UBE2F: variants seen among roughly 807,000 people sequenced by gnomAD.
UBE2F encodes the protein ubiquitin conjugating enzyme E2 F (putative).
Under a neutral mutation model 29.6 loss-of-function variants are expected in UBE2F, and 5 were observed. The ratio of observed to expected loss-of-function variants is 0.17; its 90% CI spans 0.09 to 0.36. UBE2F has a LOEUF of 0.36. Ranked by LOEUF, UBE2F falls within the 10% of genes least tolerant of loss-of-function variation. The pLI is 1.00. For synonymous variants in UBE2F, 66 were observed against 81.8 expected (o/e 0.81, Z 1.04); for missense variants, 141 against 228.5 (o/e 0.62, Z 2.47).
intron 2 of UBE2F, among the ~76,000 whole-genome samples, chr2:237,983,621 C>T (rs928998179): frequency 1.3e-5 from 2 of 152,080 alleles, no homozygotes; most frequent in Admixed American, 6.6e-5. Flanking sequence ...GCCTCCATTG[C>T]CCCTTCCCGT....
intron 6 of UBE2F, 54 bp from the exon 7 acceptor site, chr2:238,030,502 T>A: frequency 2.2e-6 from 3 of 1,364,496 alleles, no homozygotes; most frequent in Non-Finnish European, 3.1e-6. Context: ...GTTGGCAGCG[T>A]GCAGGGCACC....
Position 237,988,666 on chromosome 2 carries a change from T to A in UBE2F, c.148+674T>A, listed in dbSNP as rs913615816. 5.3e-5 allele frequency among the ~76,000 whole-genome samples: 8 copies of A among 150,778 alleles called. No homozygotes were observed. In the South Asian group the frequency reaches 1.5e-3, roughly 28 times the overall value. ...GGTTCTGCCACCTTTCTGAGTGCTA[T>A]CTCTCCTTAGCATAGCAGAGGTGCA... On this transcript the variant is annotated intron_variant, in intron 3 of 9. Transcript: ENST00000272930.
chr2:237,991,201 C>T (rs527698393), intron 3 of UBE2F, among the ~76,000 whole-genome samples: 3 of 152,216 alleles, frequency 2.0e-5, no homozygotes, highest in Non-Finnish European at 4.4e-5. Context: ...CTCTCCTAAT[C>T]GAAGAGGGGG....
Position 237,968,816 on chromosome 2 carries a change from C to T in UBE2F, c.-17+1684C>T, listed in dbSNP as rs1356291290. 9.2e-6 allele frequency: 9 copies of T among 983,288 alleles called. No homozygotes were observed. In the Admixed American group the frequency reaches 2.5e-4, roughly 27 times the overall value. 60.9% of individuals were successfully genotyped at this position (983,288 alleles called of 1,614,324 possible). A position where few individuals can be genotyped will look rare whatever the true frequency, so the allele number is the denominator to read the frequency against. The stretch of plus-strand genomic sequence containing the variant: ...CTGTTACCGAAATGCTGCCTTAGAG[C>T]GTAATTTGCAGGAAAGAGGAAGTTT... On this transcript the variant is annotated intron_variant, in intron 1 of 9. Transcript: ENST00000272930.
intron 9 of UBE2F, among the ~76,000 whole-genome samples, chr2:238,038,746 GC>G (rs1308305846): frequency 6.6e-6 from 1 of 152,168 alleles, no homozygotes; most frequent in Non-Finnish European, 1.5e-5. Context: ...AAGCAGTGCC[GC>G]CCCATCCCCG....
intron 4 of UBE2F, among the ~76,000 whole-genome samples, chr2:237,999,258 C>T (rs905591358): frequency 7.2e-5 from 11 of 151,988 alleles, no homozygotes; most frequent in Admixed American, 1.3e-4. Context: ...TTAGTAGAGA[C>T]GGGGTTTTGC....
intron 4 of UBE2F, among the ~76,000 whole-genome samples, chr2:238,000,697 G>A (rs905260875): frequency 2.6e-5 from 4 of 152,108 alleles, no homozygotes; most frequent in Non-Finnish European, 5.9e-5. Context: ...AAATTACTGG[G>A]CCATGTGGTA....
intron 4 of UBE2F, among the ~76,000 whole-genome samples, chr2:238,000,204 CT>C (rs1385080665): frequency 6.6e-6 from 1 of 151,924 alleles, no homozygotes; most frequent in East Asian, 1.9e-4. Flanking sequence ...TAATTTGTGG[CT>C]TCTCATTTTT....
chr2:238,006,337 C>A (rs188832121), intron 4 of UBE2F, among the ~76,000 whole-genome samples: 41 of 152,326 alleles, frequency 2.7e-4, no homozygotes, highest in African/African-American at 8.7e-4. Flanking sequence ...TCCCACCAGA[C>A]CCCACCTCAA....
chr2:238,022,135 T>C (rs891487668), intron 5 of UBE2F, among the ~76,000 whole-genome samples: 5 of 151,648 alleles, frequency 3.3e-5, no homozygotes, highest in African/African-American at 1.2e-4. Context: ...GTATCTCGTT[T>C]AATATCCGAT....
chr2:237,975,837 A>G (rs567670499), intron 2 of UBE2F, among the ~76,000 whole-genome samples: 4 of 151,860 alleles, frequency 2.6e-5, no homozygotes, highest in African/African-American at 4.8e-5. Flanking sequence ...CGGGGTTTCA[A>G]CATGTTGGCC....
intron 4 of UBE2F, among the ~76,000 whole-genome samples, chr2:238,007,140 G>A (rs2063925238): frequency 6.6e-6 from 1 of 151,724 alleles, no homozygotes; most frequent in Non-Finnish European, 1.5e-5. Context: ...CTGTTTTTTC[G>A]AGACAGAGTC....
chr2:238,041,192 G>T, intron 9 of UBE2F, 96 bp from the exon 10 acceptor site: 1 of 1,219,520 alleles, frequency 8.2e-7, no homozygotes, highest in Non-Finnish European at 1.2e-6. Context: ...AGGGGACCTT[G>T]GTGCTGGTGG....
chr2:238,032,077 T>C, intron 7 of UBE2F, 145 bp from the exon 8 acceptor site: 1 of 641,748 alleles, frequency 1.6e-6, no homozygotes, highest in Non-Finnish European at 2.8e-6. Context: ...TGAAGAGAAG[T>C]TATTTTAATT....
At chr2:238,007,642 C>T (rs1359781290) in intron 4 of UBE2F, among the ~76,000 whole-genome samples, 2 of 151,862 alleles carry the variant, frequency 1.3e-5, no homozygotes, top group Admixed American at 1.3e-4. Flanking sequence ...AATGGTTTTT[C>T]TGTTTTGGTC....
intron 4 of UBE2F, among the ~76,000 whole-genome samples, chr2:238,005,328 C>T (rs946105823): frequency 1.3e-5 from 2 of 152,090 alleles, no homozygotes; most frequent in Admixed American, 6.5e-5. Flanking sequence ...CCTGAGGTAG[C>T]TGGGACCACA....
intron 9 of UBE2F, 36 bp from the exon 10 acceptor site, chr2:238,041,252 G>C (rs1559233102): frequency 6.2e-7 from 1 of 1,607,754 alleles, no homozygotes; most frequent in African/African-American, 1.3e-5. Flanking sequence ...CACTCCTCCT[G>C]TTCTTCTTTC....
intron 5 of UBE2F, among the ~76,000 whole-genome samples, chr2:238,024,868 A>G (rs1298992966): frequency 2.6e-5 from 4 of 152,230 alleles, no homozygotes; most frequent in African/African-American, 4.8e-5. Flanking sequence ...AAAATCCAGC[A>G]AATGGAACAG....
rs1200264533 is a variant in UBE2F at position 238,040,168 on chromosome 2, C to T, written c.508-1120C>T. ...CATAGCTTCAAATTGGGAACTTGCC[C>T]GCCCTGGAAAGGGTCGCTGTGCTAA... is the stretch of plus-strand genomic sequence containing the variant. On this transcript the variant is annotated intron_variant, in intron 9 of 9. Coordinates refer to ENST00000272930, the MANE Select transcript of UBE2F (RefSeq NM_080678.3). This position sits in a 1 kb window ranked among gnomAD's most constrained non-coding sequence, Gnocchi z 4.4. Among the ~76,000 whole-genome samples the T allele has an allele frequency of 3.3e-5, 5 of 152,172 alleles. No homozygotes were observed. Among genetic ancestry groups the T allele is most frequent in the Admixed American group, 1.3e-4 (2 of 15,278 alleles).
Sources: gnomAD v4.1 joint callset for allele counts (sites outside exome capture counted in the v4.1 genomes callset) on GRCh38, gnomAD v4.1.1 for gene constraint, Gnocchi (gnomAD v3.1) non-coding constraint, MANE v1.5 for transcripts, NCBI Gene and HGNC (gene_info 2026-07-23, HGNC 2026-07-21) for gene names.